The following EPM2A variants were observed in gnomAD, a reference collection of about 807,000 sequenced individuals.
EPM2A encodes the protein laforin.
EPM2A carries 21 observed loss-of-function variants against 26.5 expected under a neutral mutation model. That is an observed-to-expected ratio of 0.79 (90% confidence interval 0.56 to 1.14). The LOEUF is 1.14. Ranked by LOEUF, EPM2A falls within the 50% of genes most tolerant of loss-of-function variation. The probability of loss-of-function intolerance (pLI) is 0.00; values close to 1 mark genes in which losing one functional copy is unlikely to be tolerated. For synonymous variants in EPM2A, 217 were observed against 177.6 expected (o/e 1.22, Z -1.76); for missense variants, 458 against 440.8 (o/e 1.04, Z -0.35).
chr6:145,600,222 A>G (rs556167402), intron 2 of EPM2A, among the ~76,000 whole-genome samples: 3 of 151,806 alleles, frequency 2.0e-5, no homozygotes, highest in South Asian at 4.2e-4. Context: ...ATTCACTGTG[A>G]TATCATCTTC....
intron 2 of EPM2A, among the ~76,000 whole-genome samples, chr6:145,549,329 A>G (rs1421053888): frequency 6.6e-6 from 1 of 152,196 alleles, no homozygotes; most frequent in Non-Finnish European, 1.5e-5. Context: ...CATTGTTAAA[A>G]AGTATAAAGC....
intron 2 of EPM2A, among the ~76,000 whole-genome samples, chr6:145,654,830 G>A (rs1778146193): frequency 1.3e-5 from 2 of 152,090 alleles, no homozygotes; most frequent in Admixed American, 1.3e-4. Flanking sequence ...TGTTTTTCAA[G>A]GCTCCTGAAG....
chr6:145,661,683 T>C (rs1288124941), intron 2 of EPM2A, among the ~76,000 whole-genome samples: 1 of 152,240 alleles, frequency 6.6e-6, no homozygotes, highest in African/African-American at 2.4e-5. Flanking sequence ...GGCATATGAA[T>C]GTTCAAATCT....
At chr6:145,727,073 C>A (rs1361446294) in intron 1 of EPM2A, among the ~76,000 whole-genome samples, 1 of 151,952 alleles carries the variant, frequency 6.6e-6, no homozygotes, top group Non-Finnish European at 1.5e-5. Context: ...ATTTATCATA[C>A]CTTAAAATAA....
At chr6:145,548,804 A>G in intron 2 of EPM2A, among the ~76,000 whole-genome samples, 1 of 152,064 alleles carries the variant, frequency 6.6e-6, no homozygotes, top group East Asian at 1.9e-4. Flanking sequence ...GCTCTACTCA[A>G]TAAATCAACA....
At chr6:145,487,294 A>G (rs1359300123) in intron 4 of EPM2A, among the ~76,000 whole-genome samples, 3 of 152,160 alleles carry the variant, frequency 2.0e-5, no homozygotes, top group Non-Finnish European at 2.9e-5. Context: ...TATTGCTACA[A>G]TGAACATATG....
At chr6:145,520,164 C>T (rs1780184475) in intron 2 of EPM2A, among the ~76,000 whole-genome samples, 1 of 152,188 alleles carries the variant, frequency 6.6e-6, no homozygotes, top group African/African-American at 2.4e-5. Context: ...AAAAGAACTT[C>T]TCCAATTATG....
intron 1 of EPM2A, among the ~76,000 whole-genome samples, chr6:145,690,378 C>T (rs942279102): frequency 4.6e-5 from 7 of 151,316 alleles, no homozygotes; most frequent in Admixed American, 1.3e-4. Context: ...GGTGCGGTGG[C>T]GGGCGCCTGT....
At chr6:145,712,219 A>G (rs1247473864) in intron 1 of EPM2A, among the ~76,000 whole-genome samples, 1 of 152,136 alleles carries the variant, frequency 6.6e-6, no homozygotes, top group Non-Finnish European at 1.5e-5. Context: ...GCAACAGACC[A>G]TCCACATCAA....
At chr6:145,588,685 T>A (rs2128547340) in intron 2 of EPM2A, among the ~76,000 whole-genome samples, 1 of 152,340 alleles carries the variant, frequency 6.6e-6, no homozygotes, top group Non-Finnish European at 1.5e-5. Flanking sequence ...TTTGAGCACT[T>A]ACTACATGCC....
chr6:145,625,476 T>A lies in EPM2A; in HGVS notation c.*1940A>T. On this transcript the variant is annotated 3_prime_UTR_variant, in exon 4 of 4. Transcript: ENST00000367519. Reference sequence around the variant, plus strand: ...AGGTAAAAATCCACCTGAAAAAAGATCTTTGTATCATGGAAATTATGAAGC... The same window carrying A: ...AGGTAAAAATCCACCTGAAAAAAGAACTTTGTATCATGGAAATTATGAAGC... 1.8e-6 allele frequency: 1 copy of A among 542,626 alleles called. No homozygotes were observed. Among genetic ancestry groups the A allele is most frequent in the Non-Finnish European group, 3.3e-6 (1 of 305,616 alleles). 33.6% of individuals were successfully genotyped at this position (542,626 alleles called of 1,614,324 possible). A position where few individuals can be genotyped will look rare whatever the true frequency, so the allele number is the denominator to read the frequency against.
intron 1 of EPM2A, among the ~76,000 whole-genome samples, chr6:145,711,418 A>G (rs1325684659): frequency 6.6e-6 from 1 of 152,188 alleles, no homozygotes; most frequent in Non-Finnish European, 1.5e-5. Flanking sequence ...TCTTACAGAG[A>G]TTGATAATGA....
At chr6:145,401,176 A>G (rs1355058514) in intron 4 of EPM2A, among the ~76,000 whole-genome samples, 2 of 150,476 alleles carry the variant, frequency 1.3e-5, no homozygotes, top group Non-Finnish European at 3.0e-5. Context: ...GTAGGGGGAA[A>G]AAAACACCTA....
intron 2 of EPM2A, among the ~76,000 whole-genome samples, chr6:145,598,124 T>A (rs1781372561): frequency 6.6e-6 from 1 of 152,196 alleles, no homozygotes. Flanking sequence ...GTAGTTTTGT[T>A]TTTAGCTCTT....
rs202225064 is a variant in EPM2A, at chr6:145,732,399, AAC to A, written c.301+2797_301+2798del. On this transcript the variant is annotated intron_variant, in intron 1 of 3. Coordinates refer to ENST00000367519, the MANE Select transcript of EPM2A (RefSeq NM_005670.4). ...ATATAAAACTGATACATATATCAGA[AAC>A]ACACACACACATATATATATATATA... Among the ~76,000 whole-genome samples the A allele has an allele frequency of 9.5e-3, 1,284 of 135,810 alleles. 21 individuals carry two copies. The highest frequency in any genetic ancestry group is 0.058 in the East Asian group (293 of 5,028). 89.1% of individuals were successfully genotyped at this position (135,810 alleles called of 152,430 possible).
In EPM2A at chr6:145,735,442, C is replaced by T; in HGVS notation, c.57G>A (p.Glu19=). Residue 19 remains glutamate, a synonymous_variant, in exon 1 of 4, where the codon GAG becomes GAA. Coordinates refer to ENST00000367519, the MANE Select transcript of EPM2A (RefSeq NM_005670.4). The stretch of plus-strand genomic sequence containing the variant: ...CGGGCCGCGACCCCACCACCAGCAG[C>T]TCCGGCCGGGCGCCGGCCACGGCGG... ...VPPAVAGARP[E]LLVVGSRPEL... is the part of the protein sequence containing the mutation. The T allele has an allele frequency of 2.4e-6, 3 of 1,249,512 alleles. No individual in the cohort carries two copies. Among genetic ancestry groups the T allele is most frequent in the Non-Finnish European group, 3.0e-6 (3 of 991,054 alleles). 77.4% of individuals were successfully genotyped at this position (1,249,512 alleles called of 1,614,324 possible). A position where few individuals can be genotyped will look rare whatever the true frequency, so the allele number is the denominator to read the frequency against.
At chr6:145,599,139 G>A (rs1021431060) in intron 2 of EPM2A, among the ~76,000 whole-genome samples, 1 of 152,098 alleles carries the variant, frequency 6.6e-6, no homozygotes, top group Non-Finnish European at 1.5e-5. Flanking sequence ...TTCTAGTTCT[G>A]TGAAGTACGT....
At chr6:145,644,759 A>G (rs1777338350) in intron 2 of EPM2A, among the ~76,000 whole-genome samples, 1 of 152,146 alleles carries the variant, frequency 6.6e-6, no homozygotes, top group Admixed American at 6.5e-5. Flanking sequence ...GTCAGAGTAC[A>G]AAGAGTATAC....
chr6:145,627,240 A>G lies in EPM2A; in HGVS notation c.*176T>C. On this transcript the variant is annotated 3_prime_UTR_variant, in exon 4 of 4. Coordinates refer to ENST00000367519, the MANE Select transcript of EPM2A (RefSeq NM_005670.4). ...CACAGCTTTCTTGTAGAGTATTTCA[A>G]AAATACAGCCCCAAAACAAAGCATA... 2.7e-6 allele frequency: 4 copies of G among 1,503,142 alleles called. No homozygotes were observed. Among genetic ancestry groups the G allele is most frequent in the Non-Finnish European group, 2.6e-6 (3 of 1,137,662 alleles). 93.1% of individuals were successfully genotyped at this position (1,503,142 alleles called of 1,614,324 possible). A position where few individuals can be genotyped will look rare whatever the true frequency, so the allele number is the denominator to read the frequency against.
Sources: allele counts gnomAD v4.1 joint callset (sites outside exome capture counted in the v4.1 genomes callset), GRCh38; gene constraint gnomAD v4.1.1; transcripts MANE v1.5; gene names NCBI Gene and HGNC (gene_info 2026-07-23, HGNC 2026-07-21).